STON2: variants seen among roughly 807,000 people sequenced by gnomAD.
The protein encoded by STON2 is stonin-2.
Under a neutral mutation model 65.7 loss-of-function variants are expected in STON2, and 29 were observed. The observed-to-expected ratio is 0.44, with a 90% CI of 0.33 to 0.60. The LOEUF is 0.60. Among genes scored for constraint, STON2 ranks in the 20% least tolerant of loss-of-function variants. The pLI is 0.03. For missense variants in STON2, 1,054 were observed against 1,118.1 expected (o/e 0.94, Z 0.82); for synonymous variants, 404 against 414.2 (o/e 0.98, Z 0.30).
chr14:81,271,249 C>T (rs1894579332), intron 6 of STON2, among the ~76,000 whole-genome samples: 2 of 152,212 alleles, frequency 1.3e-5, no homozygotes, highest in African/African-American at 4.8e-5. Context: ...TAATAAAATA[C>T]CAATGACAGC....
chr14:81,265,470 C>T lies in STON2; in HGVS notation c.*2944G>A, dbSNP rs917014700. 4.4e-6 allele frequency: 2 copies of T among 457,684 alleles called. No homozygotes were observed. The highest frequency in any genetic ancestry group is 5.7e-6 in the Non-Finnish European group (2 of 348,312). The allele number at this position is 457,684 out of a possible 1,614,324, so 28.4% of individuals were successfully genotyped here. ...AGACATTCGAGACCAGCCTGGCCAA[C>T]ATGGTGAAACCCCATCTCTACTAAA... On this transcript the variant is annotated 3_prime_UTR_variant, in exon 8 of 8. Transcript: ENST00000614646.
intron 3 of STON2, among the ~76,000 whole-genome samples, chr14:81,378,656 T>C (rs143430518): frequency 1.3e-5 from 2 of 152,352 alleles, no homozygotes; most frequent in East Asian, 3.9e-4. Context: ...TTTACTTTTG[T>C]ACTGTATATA....
chr14:81,423,062 C>T (rs1002146383), intron 2 of STON2, among the ~76,000 whole-genome samples: 10 of 152,056 alleles, frequency 6.6e-5, no homozygotes, highest in Non-Finnish European at 1.3e-4. Flanking sequence ...TCTAGATTTC[C>T]AGCTTTCCAG....
rs190630273 is a variant in STON2 at position 81,323,011 on chromosome 14, T to C, written c.742+1006A>G. 5.9e-5 allele frequency among the ~76,000 whole-genome samples: 9 copies of C among 152,316 alleles called. No individual in the cohort carries two copies. In the East Asian group the frequency reaches 1.3e-3, roughly 23 times the overall value. On this transcript the variant is annotated intron_variant, in intron 5 of 7. Transcript: ENST00000614646. Reference sequence around the variant, plus strand: ...TTGCATTTCCCATACCGCCCTCCTATAAAACCCCTTAGCTTAGCATCCTCA... The same window carrying C: ...TTGCATTTCCCATACCGCCCTCCTACAAAACCCCTTAGCTTAGCATCCTCA...
Position 81,277,750 on chromosome 14 carries a change from T to C in STON2, c.1732A>G (p.Thr578Ala). The change falls in exon 6 of 8, where the codon ACA becomes GCA. Residue 578 changes from threonine (T) to alanine (A), a missense_variant. Coordinates refer to ENST00000614646, the MANE Select transcript of STON2 (RefSeq NM_001394390.1). Reference protein sequence around the residue: ...KYQPKPAVAHTAEREQVIKLG... With the variant: ...KYQPKPAVAHAAEREQVIKLG... ...TTAATCACCTGTTCCCTCTCTGCTG[T>C]GTGGGCCACAGCAGGTTTGGGCTGG... 6 of 1,614,198 alleles carry C rather than the reference T, an allele frequency of 3.7e-6. No homozygotes were observed. The highest frequency in any genetic ancestry group is 5.1e-6 in the Non-Finnish European group (6 of 1,180,034).
At chr14:81,371,799 GCTTTTTTCAA>G (rs1899012878) in intron 3 of STON2, among the ~76,000 whole-genome samples, 1 of 151,936 alleles carries the variant, frequency 6.6e-6, no homozygotes, top group Non-Finnish European at 1.5e-5. Flanking sequence ...TTAGATTTCA[GCTTTTTTCAA>G]ACCCAAACTA....
At position 81,262,257 on chromosome 14, in the gene STON2, C is replaced by T. The variant is rs755335788; in HGVS notation, c.*6157G>A. 2.0e-5 allele frequency: 20 copies of T among 985,340 alleles called. 1 individual carries two copies. Among genetic ancestry groups the T allele is most frequent in the African/African-American group, 5.2e-5 (3 of 57,246 alleles). 61.0% of individuals were successfully genotyped at this position (985,340 alleles called of 1,614,324 possible). Reference sequence around the variant, plus strand: ...AAGATTCACAGAAACCCCAATTTCCCCTTAATAAATCCATTATGGCATGCC... The same window carrying T: ...AAGATTCACAGAAACCCCAATTTCCTCTTAATAAATCCATTATGGCATGCC... On this transcript the variant is annotated 3_prime_UTR_variant, in exon 8 of 8. Transcript: ENST00000614646.
intron 3 of STON2, among the ~76,000 whole-genome samples, chr14:81,381,519 A>T (rs1899513749): frequency 6.9e-6 from 1 of 144,512 alleles, no homozygotes; most frequent in Non-Finnish European, 1.5e-5. Flanking sequence ...ATTTCATGAA[A>T]GAAAAATCCA....
intron 1 of STON2, among the ~76,000 whole-genome samples, chr14:81,430,355 C>T (rs774485567): frequency 9.2e-5 from 14 of 152,174 alleles, no homozygotes; most frequent in African/African-American, 1.2e-4. Flanking sequence ...TTCCTCGTAA[C>T]GTTCTCCTCA....
chr14:81,384,930 C>A (rs1295940079), intron 3 of STON2, among the ~76,000 whole-genome samples: 1 of 152,156 alleles, frequency 6.6e-6, no homozygotes, highest in Non-Finnish European at 1.5e-5. Context: ...GGCTCCTCTG[C>A]TTTTTCATAG....
chr14:81,327,700 C>T (rs987026609), intron 4 of STON2, among the ~76,000 whole-genome samples: 7 of 152,204 alleles, frequency 4.6e-5, no homozygotes, highest in Non-Finnish European at 1.0e-4. Context: ...TGAAAGCATA[C>T]ATTTCCCGTT....
intron 4 of STON2, among the ~76,000 whole-genome samples, chr14:81,356,016 T>C (rs1228434760): frequency 2.0e-5 from 3 of 152,164 alleles, no homozygotes; most frequent in Non-Finnish European, 2.9e-5. Flanking sequence ...TCCTGCCTAA[T>C]TGCCCTGGCC....
intron 5 of STON2, among the ~76,000 whole-genome samples, chr14:81,293,315 A>G (rs1895635292): frequency 1.3e-5 from 2 of 152,034 alleles, no homozygotes; most frequent in Admixed American, 1.3e-4. Context: ...CTGGGACTGC[A>G]GGAGCGTGCC....
chr14:81,304,063 C>T (rs1409233587), intron 5 of STON2, among the ~76,000 whole-genome samples: 1 of 152,190 alleles, frequency 6.6e-6, no homozygotes, highest in Non-Finnish European at 1.5e-5. Flanking sequence ...CCACCAAATT[C>T]CTCTGATTTT....
chr14:81,409,093 T>A (rs1283688568), intron 2 of STON2, among the ~76,000 whole-genome samples: 1 of 152,212 alleles, frequency 6.6e-6, no homozygotes, highest in African/African-American at 2.4e-5. Flanking sequence ...ACAATTCATC[T>A]AATTTCAGAG....
At chr14:81,385,625 TC>T (rs1899763473) in intron 3 of STON2, among the ~76,000 whole-genome samples, 1 of 152,178 alleles carries the variant, frequency 6.6e-6, no homozygotes, top group Non-Finnish European at 1.5e-5. Context: ...GCGCCATCCT[TC>T]AAGTTCTACC....
rs371776525 is a variant in STON2, at chr14:81,398,246, A to G, written c.88+49T>C. ...CAAGTAGAAGCCATAACAAATAGAC[A>G]TGGTTCTTTGACAATCTCTTCACTT... On this transcript the variant is annotated intron_variant, in intron 2 of 7. Transcript: ENST00000614646. 3.7e-6 allele frequency: 5 copies of G among 1,350,958 alleles called. No homozygotes were observed. The African/African-American group carries it at 5.8e-5, about 16-fold the overall frequency. 83.7% of individuals were successfully genotyped at this position (1,350,958 alleles called of 1,614,324 possible).
At position 81,413,101 on chromosome 14, in the gene STON2, G is replaced by A. The variant is rs185812804; in HGVS notation, c.-199+14001C>T. 1,206 of 1,163,396 alleles carry A rather than the reference G, an allele frequency of 1.0e-3. 280 individuals carry two copies. In the South Asian group the frequency reaches 0.01, roughly 10 times the overall value. The allele number at this position is 1,163,396 out of a possible 1,614,324, so 72.1% of individuals were successfully genotyped here. On this transcript the variant is annotated intron_variant, in intron 2 of 8. Transcript: ENST00000553821. ...GGAACACTGTGGCTCATATCAAGAAGGAATGTGACAAGAAGTACAATCCCA... is the reference window on the plus strand; with the variant it reads ...GGAACACTGTGGCTCATATCAAGAAAGAATGTGACAAGAAGTACAATCCCA...
chr14:81,283,645 C>T (rs558020965), intron 5 of STON2, among the ~76,000 whole-genome samples: 1 of 151,832 alleles, frequency 6.6e-6, no homozygotes, highest in Non-Finnish European at 1.5e-5. Context: ...ATTCTCCTGC[C>T]TCAGCCTCCT....
Sources: allele counts gnomAD v4.1 joint callset (sites outside exome capture counted in the v4.1 genomes callset), GRCh38; gene constraint gnomAD v4.1.1; transcripts MANE v1.5; gene names NCBI Gene and HGNC (gene_info 2026-07-23, HGNC 2026-07-21).